Variants in SGCZ observed in about 807,000 individuals in gnomAD.
SGCZ encodes sarcoglycan zeta.
In SGCZ, 40 loss-of-function variants were observed where a neutral mutation model predicts 41.3. That is an observed-to-expected ratio of 0.97 (90% CI 0.75 to 1.26). The LOEUF is 1.26. SGCZ is among the 50% of genes most tolerant of loss of function. The pLI is 0.00. For missense variants in SGCZ, 552 were observed against 369.8 expected (o/e 1.49, Z -4.04); for synonymous variants, 206 against 137.5 (o/e 1.50, Z -3.49).
intron 2 of SGCZ, among the ~76,000 whole-genome samples, chr8:14,412,020 T>A (rs557683330): frequency 6.6e-6 from 1 of 152,222 alleles, no homozygotes; most frequent in Non-Finnish European, 1.5e-5. Flanking sequence ...GTGCATCTTC[T>A]TTGTTCACAA....
intron 3 of SGCZ, among the ~76,000 whole-genome samples, chr8:14,249,129 G>T (rs1225448900): frequency 6.6e-6 from 1 of 152,100 alleles, no homozygotes; most frequent in Non-Finnish European, 1.5e-5. Flanking sequence ...GTCCCATTCA[G>T]GAAGATTTTC....
intron 1 of SGCZ, among the ~76,000 whole-genome samples, chr8:14,749,299 C>A (rs1325802902): frequency 1.3e-5 from 2 of 152,276 alleles, no homozygotes; most frequent in Non-Finnish European, 2.9e-5. Flanking sequence ...GAGTTCCCTG[C>A]TCTGTTTCCC....
intron 2 of SGCZ, among the ~76,000 whole-genome samples, chr8:14,376,142 T>A (rs1279585241): frequency 1.3e-5 from 2 of 151,900 alleles, no homozygotes; most frequent in South Asian, 4.1e-4. Flanking sequence ...TGAAACTCCA[T>A]CTCTACTAAA....
chr8:15,004,828 G>C (rs1157962405), intron 1 of SGCZ, among the ~76,000 whole-genome samples: 1 of 152,138 alleles, frequency 6.6e-6, no homozygotes, highest in East Asian at 1.9e-4. Flanking sequence ...TCAACACTAG[G>C]TGACAATGAG....
At chr8:14,326,494 G>T (rs1350778640) in intron 2 of SGCZ, among the ~76,000 whole-genome samples, 1 of 152,140 alleles carries the variant, frequency 6.6e-6, no homozygotes, top group Admixed American at 6.5e-5. Flanking sequence ...CACAGAGTAA[G>T]AGGGACATTT....
intron 1 of SGCZ, among the ~76,000 whole-genome samples, chr8:15,203,475 C>A (rs1413564667): frequency 2.6e-5 from 4 of 152,126 alleles, no homozygotes; most frequent in Non-Finnish European, 5.9e-5. Flanking sequence ...TGAGGGCAAA[C>A]AAGATCTTGA....
chr8:14,612,649 C>T (rs1197392156), intron 1 of SGCZ, among the ~76,000 whole-genome samples: 1 of 152,004 alleles, frequency 6.6e-6, no homozygotes, highest in East Asian at 1.9e-4. Context: ...TCAAAGATAA[C>T]AGGAAGGAGT....
intron 1 of SGCZ, among the ~76,000 whole-genome samples, chr8:14,765,784 G>A (rs756849881): frequency 7.9e-5 from 12 of 152,080 alleles, no homozygotes; most frequent in Admixed American, 5.2e-4. Flanking sequence ...ATGCGTGTGC[G>A]CAGACACAGT....
intron 1 of SGCZ, among the ~76,000 whole-genome samples, chr8:15,000,110 G>A (rs1366224653): frequency 6.6e-6 from 1 of 152,110 alleles, no homozygotes; most frequent in African/African-American, 2.4e-5. Flanking sequence ...ACCCAAAGAG[G>A]CACCAGGGGT....
intron 1 of SGCZ, among the ~76,000 whole-genome samples, chr8:15,097,733 AAAAT>A (rs1214038306): frequency 1.8e-5 from 2 of 110,296 alleles, no homozygotes; most frequent in African/African-American, 7.2e-5. Context: ...TATAAAAAAA[AAAAT>A]ATATATATAT....
At chr8:15,103,007 A>G (rs1356522880) in intron 1 of SGCZ, among the ~76,000 whole-genome samples, 1 of 152,198 alleles carries the variant, frequency 6.6e-6, no homozygotes, top group African/African-American at 2.4e-5. Flanking sequence ...ACATAACAAT[A>G]TAATGTAATA....
intron 1 of SGCZ, among the ~76,000 whole-genome samples, chr8:14,757,095 C>A (rs539799235): frequency 6.6e-6 from 1 of 152,258 alleles, no homozygotes; most frequent in South Asian, 2.1e-4. Flanking sequence ...GTCACCTAGG[C>A]TGGAGTGCAA....
chr8:14,325,743 CACACATATAT>C (rs1167016599), intron 2 of SGCZ, among the ~76,000 whole-genome samples: 26 of 66,864 alleles, frequency 3.9e-4, no homozygotes, highest in Admixed American at 5.8e-4. Flanking sequence ...CACACACACA[CACACATATAT>C]ATATATATAT....
chr8:14,120,478 A>T (rs1175368828), intron 5 of SGCZ, among the ~76,000 whole-genome samples: 1 of 152,146 alleles, frequency 6.6e-6, no homozygotes, highest in East Asian at 1.9e-4. Context: ...ACATTACACA[A>T]AAGTACAATG....
intron 2 of SGCZ, among the ~76,000 whole-genome samples, chr8:14,489,475 A>G (rs1801778198): frequency 6.6e-6 from 1 of 152,080 alleles, no homozygotes; most frequent in Non-Finnish European, 1.5e-5. Context: ...ATGTAAATTA[A>G]TTTTGGTCAA....
At chr8:14,312,755 C>A (rs1165347220) in intron 3 of SGCZ, among the ~76,000 whole-genome samples, 1 of 152,044 alleles carries the variant, frequency 6.6e-6, no homozygotes, top group Admixed American at 6.6e-5. Flanking sequence ...CTTTAAAATT[C>A]CTATCCACTG....
chr8:14,250,936 G>C (rs1340733973), intron 3 of SGCZ, among the ~76,000 whole-genome samples: 1 of 152,078 alleles, frequency 6.6e-6, no homozygotes, highest in Non-Finnish European at 1.5e-5. Context: ...TATGTTAAAT[G>C]ACATACTTGG....
rs538073547 is a variant in SGCZ at position 14,713,916 on chromosome 8, A to T, written c.40-158990T>A. Among the ~76,000 whole-genome samples, 3 of 152,262 alleles carry T rather than the reference A, an allele frequency of 2.0e-5. No individual in the cohort carries two copies. The East Asian group carries it at 5.8e-4, about 29-fold the overall frequency. The stretch of plus-strand genomic sequence containing the variant: ...CTTACGATATTTTTTAAACCTTTAA[A>T]ATGACTTTATAGAGAGGTAACTCCA... On this transcript the variant is annotated intron_variant, in intron 1 of 7. Coordinates refer to ENST00000382080, the MANE Select transcript of SGCZ (RefSeq NM_139167.4).
At chr8:14,584,339 G>T (rs1404195096) in intron 1 of SGCZ, among the ~76,000 whole-genome samples, 1 of 152,162 alleles carries the variant, frequency 6.6e-6, no homozygotes, top group Non-Finnish European at 1.5e-5. Context: ...TGGTAAGTAG[G>T]TTGAGAGTAT....
Sources: allele counts gnomAD v4.1 joint callset (sites outside exome capture counted in the v4.1 genomes callset), GRCh38; gene constraint gnomAD v4.1.1; transcripts MANE v1.5; gene names NCBI Gene and HGNC (gene_info 2026-07-23, HGNC 2026-07-21).